The following GORASP1 variants were observed in gnomAD, a reference collection of about 807,000 sequenced individuals.
GORASP1 encodes golgi reassembly stacking protein 1.
A neutral mutation model predicts 37.7 loss-of-function variants in GORASP1; 31 were observed. The ratio of observed to expected loss-of-function variants is 0.82; its 90% CI spans 0.62 to 1.11. The LOEUF (loss-of-function observed/expected upper bound fraction) is 1.11, where lower values mean the gene tolerates loss of function less well. Among genes scored for constraint, GORASP1 ranks in the 50% least tolerant of loss-of-function variants. The pLI is 0.00. For synonymous variants in GORASP1, 204 were observed against 224.8 expected, an observed-to-expected ratio of 0.91 and a Z score of 0.83; for missense variants, 476 against 560.7, an observed-to-expected ratio of 0.85 and a Z score of 1.53.
In GORASP1 at chr3:39,099,600, C is replaced by T. The variant is rs374444780; in HGVS notation, c.766-97G>A. ...CCTAACCACCAGTCCCCACTTGTCC[C>T]AGGAACACTGCTCTGCCTAAAGGAA... On this transcript the variant is annotated intron_variant, in intron 6 of 8. Coordinates refer to ENST00000319283, the MANE Select transcript of GORASP1 (RefSeq NM_031899.4). 8.8e-6 allele frequency: 11 copies of T among 1,244,828 alleles called. No homozygotes were observed. The South Asian group carries it at 1.3e-4, about 15-fold the overall frequency. 77.1% of individuals were successfully genotyped at this position (1,244,828 alleles called of 1,614,324 possible). A position where few individuals can be genotyped will look rare whatever the true frequency, so the allele number is the denominator to read the frequency against.
In GORASP1 at chr3:39,099,418, CCAT is replaced by C. The variant is rs1415678756; in HGVS notation, c.848_850del (p.Asp283del). 1 of 1,612,944 alleles carries C rather than the reference CCAT, an allele frequency of 6.2e-7. No individual in the cohort carries two copies. On this transcript the variant is annotated inframe_deletion, in exon 7 of 9. Coordinates refer to ENST00000319283, the MANE Select transcript of GORASP1 (RefSeq NM_031899.4). Reference sequence around the variant, plus strand: ...AGGAGTCTCCATGAAATGGGGAAGTCCATCAGGGTCTGGAGCACTGTGGCTGGG... The same window carrying C: ...AGGAGTCTCCATGAAATGGGGAAGTCCAGGGTCTGGAGCACTGTGGCTGGG...
rs2293306 is a variant in GORASP1, at chr3:39,101,070, G to A, written c.381C>T (p.Ala127=). The A allele has an allele frequency of 1.1e-4, 182 of 1,614,114 alleles. No individual in the cohort carries two copies. In the East Asian group the frequency reaches 3.2e-3, roughly 28 times the overall value. ...CATAGTCTGTGTAGGGGCGCAGGCC[G>A]GCAAGGGCAGCAGGTGAAGATGGTT... ...DVEPSSPAAL[A]GLRPYTDYVV... is the part of the protein sequence containing the mutation. Residue 127 remains alanine, a synonymous_variant, in exon 4 of 9, where the codon GCC becomes GCT. Coordinates refer to ENST00000319283, the MANE Select transcript of GORASP1 (RefSeq NM_031899.4).
At position 39,100,550 on chromosome 3, in the gene GORASP1, C is replaced by A; in HGVS notation, c.567-47G>T. 1 of 1,518,958 alleles carries A rather than the reference C, an allele frequency of 6.6e-7. No individual in the cohort carries two copies. Among genetic ancestry groups the A allele is most frequent in the Non-Finnish European group, 8.8e-7 (1 of 1,133,274 alleles). The allele number at this position is 1,518,958 out of a possible 1,614,324, so 94.1% of individuals were successfully genotyped here. A position where few individuals can be genotyped will look rare whatever the true frequency, so the allele number is the denominator to read the frequency against. ...CAATCCAGGGGCTTGTCCCACGGCC[C>A]TCCCTACCTTTGCTATCCCCACCTA... On this transcript the variant is annotated intron_variant, in intron 5 of 8. Transcript: ENST00000319283. This position sits in a 1 kb window ranked among gnomAD's most constrained non-coding sequence, Gnocchi z 4.6.
intron 3 of GORASP1, among the ~76,000 whole-genome samples, chr3:39,101,910 T>G (rs2035745902): frequency 1.3e-5 from 2 of 152,238 alleles, no homozygotes; most frequent in Admixed American, 1.3e-4. Flanking sequence ...TGCATGTGTG[T>G]CTGTGGACAG....
Position 39,103,272 on chromosome 3 carries a change from C to T in GORASP1, c.144+201G>A. 1.7e-6 allele frequency: 1 copy of T among 594,944 alleles called. No homozygotes were observed. Among genetic ancestry groups the T allele is most frequent in the Non-Finnish European group, 3.0e-6 (1 of 335,100 alleles). The allele number at this position is 594,944 out of a possible 1,614,324, so 36.9% of individuals were successfully genotyped here. ...CTCCAAGAGGCCATATGTCCTCTGT[C>T]CACCCCACAGAGCTCAGAAGCTGAG... On this transcript the variant is annotated intron_variant, in intron 2 of 8. Coordinates refer to ENST00000319283, the MANE Select transcript of GORASP1 (RefSeq NM_031899.4). This position sits in a 1 kb window ranked among gnomAD's most constrained non-coding sequence, Gnocchi z 5.2.
rs1230785692 is a variant in GORASP1, at chr3:39,098,315, G to A, written c.1244C>T (p.Pro415Leu). Residue 415 changes from proline to leucine, a missense_variant, in exon 9 of 9, where the codon CCA becomes CTA. Coordinates refer to ENST00000319283, the MANE Select transcript of GORASP1 (RefSeq NM_031899.4). The surrounding 1 kb of genome is among the most constrained non-coding windows in gnomAD (Gnocchi z 4.7). ...AGTATCTAGGCCCTCTGTGCTTGCT[G>A]GTTCCTCCTCAGCCTGAGCTTCAAG... ...ELLEAQAEEE[P>L]ASTEGLDTGT... 1.2e-6 allele frequency: 2 copies of A among 1,614,098 alleles called. No individual in the cohort carries two copies. Among genetic ancestry groups the A allele is most frequent in the Non-Finnish European group, 1.7e-6 (2 of 1,180,048 alleles).
At position 39,100,668 on chromosome 3, in the gene GORASP1, AC is replaced by A; in HGVS notation, c.566+78del. 6.4e-7 allele frequency: 1 copy of A among 1,557,926 alleles called. No homozygotes were observed. The highest frequency in any genetic ancestry group is 1.2e-5 in the South Asian group (1 of 84,046). Reference sequence around the variant, plus strand: ...CAGGGCCCAACCCTCCTCCATCTCCACCATAGAACTCTGAGGTCCATGCCCA... The same window carrying A: ...CAGGGCCCAACCCTCCTCCATCTCCACATAGAACTCTGAGGTCCATGCCCA... On this transcript the variant is annotated intron_variant, in intron 5 of 8. Coordinates refer to ENST00000319283, the MANE Select transcript of GORASP1 (RefSeq NM_031899.4). This position sits in a 1 kb window ranked among gnomAD's most constrained non-coding sequence, Gnocchi z 4.6.
In GORASP1 at chr3:39,103,296, AGCACTGGGCAGG is replaced by A; in HGVS notation, c.144+165_144+176del. Reference sequence around the variant, plus strand: ...TCCACCCCACAGAGCTCAGAAGCTGAGCACTGGGCAGGGCCCCAGTCAGGCTCTGAGTACAGC... The same window carrying A: ...TCCACCCCACAGAGCTCAGAAGCTGAGCCCCAGTCAGGCTCTGAGTACAGC... On this transcript the variant is annotated intron_variant, in intron 2 of 8. Transcript: ENST00000319283. The surrounding 1 kb of genome is among the most constrained non-coding windows in gnomAD (Gnocchi z 5.2). The A allele has an allele frequency of 1.7e-6, 1 of 599,468 alleles. No homozygotes were observed. Among genetic ancestry groups the A allele is most frequent in the South Asian group, 2.0e-5 (1 of 49,444 alleles). The allele number at this position is 599,468 out of a possible 1,614,324, so 37.1% of individuals were successfully genotyped here.
rs767251897 is a variant in GORASP1, at chr3:39,101,054, T to TCTAC, written c.396_397insGTAG (p.Thr133ValfsTer26). The TCTAC allele has an allele frequency of 6.2e-7, 1 of 1,614,018 alleles. No homozygotes were observed. Among genetic ancestry groups the TCTAC allele is most frequent in the African/African-American group, 1.3e-5 (1 of 75,004 alleles). ...TGGTCCGAACCAACCACATAGTCTG[T>TCTAC]GTAGGGGCGCAGGCCGGCAAGGGCA... is the stretch of plus-strand genomic sequence containing the variant. On this transcript the variant is annotated frameshift_variant, in exon 4 of 9. Coordinates refer to ENST00000319283, the MANE Select transcript of GORASP1 (RefSeq NM_031899.4). LOFTEE classifies it high-confidence loss of function.
In GORASP1 at chr3:39,102,530, C is replaced by T. The variant is rs2035786998; in HGVS notation, c.348+148G>A. On this transcript the variant is annotated intron_variant, in intron 3 of 8. Coordinates refer to ENST00000319283, the MANE Select transcript of GORASP1 (RefSeq NM_031899.4). The surrounding 1 kb of genome is among the most constrained non-coding windows in gnomAD (Gnocchi z 5.0). Reference sequence around the variant, plus strand: ...CCTCTCTGGGACACTGGAATGAGACCACATCCTGCCCTCAGTCTTCCCTGG... The same window carrying T: ...CCTCTCTGGGACACTGGAATGAGACTACATCCTGCCCTCAGTCTTCCCTGG... The T allele has an allele frequency of 2.7e-6, 2 of 742,896 alleles. No homozygotes were observed. The highest frequency in any genetic ancestry group is 1.7e-5 in the South Asian group (1 of 59,362). 46.0% of individuals were successfully genotyped at this position (742,896 alleles called of 1,614,324 possible).
rs2035778607 is a variant in GORASP1 at position 39,102,349 on chromosome 3, T to G, written c.348+329A>C. 1 of 453,718 alleles carries G rather than the reference T, an allele frequency of 2.2e-6. No individual in the cohort carries two copies. Among genetic ancestry groups the G allele is most frequent in the Non-Finnish European group, 4.1e-6 (1 of 246,148 alleles). The allele number at this position is 453,718 out of a possible 1,614,324, so 28.1% of individuals were successfully genotyped here. A position where few individuals can be genotyped will look rare whatever the true frequency, so the allele number is the denominator to read the frequency against. On this transcript the variant is annotated intron_variant, in intron 3 of 8. Coordinates refer to ENST00000319283, the MANE Select transcript of GORASP1 (RefSeq NM_031899.4). The surrounding 1 kb of genome is among the most constrained non-coding windows in gnomAD (Gnocchi z 5.0). Reference sequence around the variant, plus strand: ...CACACACACGGAGAGACACAGAGAATAATAAAAGCAGCAGCATTCCAGCAG... The same window carrying G: ...CACACACACGGAGAGACACAGAGAAGAATAAAAGCAGCAGCATTCCAGCAG...
chr3:39,100,647 G>A lies in GORASP1; in HGVS notation c.566+100C>T. On this transcript the variant is annotated intron_variant, in intron 5 of 8. Transcript: ENST00000319283. The surrounding 1 kb of genome is among the most constrained non-coding windows in gnomAD (Gnocchi z 4.6). ...CAGCCTCAGGATCCCTGGGCCCAGG[G>A]CCCAACCCTCCTCCATCTCCACCAT... 1 of 1,525,600 alleles carries A rather than the reference G, an allele frequency of 6.6e-7. No individual in the cohort carries two copies. Among genetic ancestry groups the A allele is most frequent in the Non-Finnish European group, 8.9e-7 (1 of 1,128,086 alleles). 94.5% of individuals were successfully genotyped at this position (1,525,600 alleles called of 1,614,324 possible).
rs768726254 is a variant in GORASP1 at position 39,100,889 on chromosome 3, G to A, written c.436-12C>T. On this transcript the variant is annotated splice_polypyrimidine_tract_variant and intron_variant, in intron 4 of 8. Transcript: ENST00000319283. The surrounding 1 kb of genome is among the most constrained non-coding windows in gnomAD (Gnocchi z 4.6). The stretch of plus-strand genomic sequence containing the variant: ...AAGAAGTCCTCGGACTGTGAGAAAC[G>A]CATAGCACCTGAGGCCTGCTTCCAG... The A allele has an allele frequency of 7.4e-6, 12 of 1,614,016 alleles. No individual in the cohort carries two copies. The highest frequency in any genetic ancestry group is 2.2e-5 in the East Asian group (1 of 44,890).
intron 1 of GORASP1, among the ~76,000 whole-genome samples, chr3:39,104,062 A>T (rs1187891985): frequency 6.6e-6 from 1 of 152,172 alleles, no homozygotes; most frequent in Non-Finnish European, 1.5e-5. Context: ...CTTGCACCCC[A>T]GCCTCTGGGG....
rs555175885 is a variant in GORASP1, at chr3:39,107,116, G to A, written c.63+363C>T. The A allele has an allele frequency of 1.0e-5, 5 of 487,728 alleles. No individual in the cohort carries two copies. The East Asian group carries it at 1.8e-4, about 18-fold the overall frequency. 30.2% of individuals were successfully genotyped at this position (487,728 alleles called of 1,614,324 possible). ...AGGCCCAGCACGGAGAGCGGCCCGC[G>A]GCAGGCGAGCGTAAATGTGTGCTAA... On this transcript the variant is annotated intron_variant, in intron 1 of 8. Transcript: ENST00000319283.
At position 39,102,942 on chromosome 3, in the gene GORASP1, A is replaced by T; in HGVS notation, c.145-61T>A. On this transcript the variant is annotated intron_variant, in intron 2 of 8. Coordinates refer to ENST00000319283, the MANE Select transcript of GORASP1 (RefSeq NM_031899.4). This position sits in a 1 kb window ranked among gnomAD's most constrained non-coding sequence, Gnocchi z 5.0. ...CATGCCCAGGCTAGGACCCTCAGAC[A>T]AGTCTGGGCCTGAGATGGGGCAAGG... The T allele has an allele frequency of 6.6e-7, 1 of 1,515,702 alleles. No individual in the cohort carries two copies. The highest frequency in any genetic ancestry group is 9.2e-7 in the Non-Finnish European group (1 of 1,090,408). The allele number at this position is 1,515,702 out of a possible 1,614,324, so 93.9% of individuals were successfully genotyped here.
chr3:39,099,902 G>C (rs966942413), intron 6 of GORASP1, among the ~76,000 whole-genome samples: 1 of 152,184 alleles, frequency 6.6e-6, no homozygotes, highest in Non-Finnish European at 1.5e-5. Flanking sequence ...GCCCAAAGGT[G>C]CTCTCAGAGG....
rs139164811 is a variant in GORASP1, at chr3:39,096,677, G to A, written c.*1559C>T. ...TTTAGTTAAAATATTTCAAAGTGTA[G>A]TACACATTTATTTTCATTTGTTATT... On this transcript the variant is annotated 3_prime_UTR_variant, in exon 9 of 9. Transcript: ENST00000319283. 2.6e-5 allele frequency: 4 copies of A among 152,296 alleles called. No individual in the cohort carries two copies. Among genetic ancestry groups the A allele is most frequent in the Non-Finnish European group, 4.4e-5 (3 of 68,038 alleles). 9.4% of individuals were successfully genotyped at this position (152,296 alleles called of 1,614,324 possible).
In GORASP1 at chr3:39,102,759, CAT is replaced by C. The variant is rs1185028442; in HGVS notation, c.265_266del (p.Met89ValfsTer21). The C allele has an allele frequency of 6.2e-6, 10 of 1,614,140 alleles. No individual in the cohort carries two copies. In the African/African-American group the frequency reaches 9.3e-5, roughly 15 times the overall value. ...VREVEVVPSN[M>X]WGGQGLLGAS... ...CACCCAGTAGGCCCTGGCCGCCCCA[CAT>C]GTTGCTGGGCACCACCTCCACCTCG... On this transcript the variant is annotated frameshift_variant, in exon 3 of 9. Coordinates refer to ENST00000319283, the MANE Select transcript of GORASP1 (RefSeq NM_031899.4). LOFTEE classifies it high-confidence loss of function. This position sits in a 1 kb window ranked among gnomAD's most constrained non-coding sequence, Gnocchi z 5.0.
Sources: allele counts gnomAD v4.1 joint callset (sites outside exome capture counted in the v4.1 genomes callset), GRCh38; gene constraint gnomAD v4.1.1; non-coding constraint Gnocchi (gnomAD v3.1); transcripts MANE v1.5; gene names NCBI Gene and HGNC (gene_info 2026-07-23, HGNC 2026-07-21).